ANO3: variants seen among roughly 807,000 people sequenced by gnomAD.
ANO3 encodes the protein anoctamin-3.
In ANO3, 99 loss-of-function variants were observed where a neutral mutation model predicts 144.8. The observed-to-expected ratio is 0.68, with a 90% CI of 0.58 to 0.81. The LOEUF (loss-of-function observed/expected upper bound fraction) is 0.81, where lower values mean the gene tolerates loss of function less well. ANO3 is among the 30% of genes least tolerant of loss of function. The pLI is 0.00. For synonymous variants in ANO3, 414 were observed against 392.6 expected, an observed-to-expected ratio of 1.05 and a Z score of -0.64; for missense variants, 905 against 1,202.2, an observed-to-expected ratio of 0.75 and a Z score of 3.66.
intron 1 of ANO3, among the ~76,000 whole-genome samples, chr11:26,193,086 C>A (rs1851509163): frequency 6.6e-6 from 1 of 151,726 alleles, no homozygotes; most frequent in Non-Finnish European, 1.5e-5. Context: ...CGTTGCCCCC[C>A]ACCCCTCAAA....
intron 1 of ANO3, among the ~76,000 whole-genome samples, chr11:26,262,622 C>A (rs1012372203): frequency 6.6e-6 from 1 of 151,894 alleles, no homozygotes; most frequent in African/African-American, 2.4e-5. Flanking sequence ...TCCTAACACC[C>A]AATGTAATGG....
chr11:26,328,842 A>T (rs1160379413), upstream of ANO3, among the ~76,000 whole-genome samples: 1 of 152,214 alleles, frequency 6.6e-6, no homozygotes, highest in Non-Finnish European at 1.5e-5. Context: ...TCATTGATAA[A>T]GTATGAAAAT....
intron 1 of ANO3, among the ~76,000 whole-genome samples, chr11:26,213,417 G>T (rs1260674377): frequency 6.6e-6 from 1 of 152,060 alleles, no homozygotes; most frequent in African/African-American, 2.4e-5. Context: ...AAGCTGAAAA[G>T]CAACTTCAGC....
chr11:26,226,815 T>G (rs969881065), intron 1 of ANO3, among the ~76,000 whole-genome samples: 1 of 152,176 alleles, frequency 6.6e-6, no homozygotes, highest in East Asian at 1.9e-4. Flanking sequence ...GTTTAACCAT[T>G]TTTAAGTATA....
chr11:26,399,345 C>T (rs530197547), intron 1 of ANO3, among the ~76,000 whole-genome samples: 1 of 152,050 alleles, frequency 6.6e-6, no homozygotes, highest in East Asian at 1.9e-4. Context: ...CAGAATCTTT[C>T]TTAAAGAATG....
intron 1 of ANO3, among the ~76,000 whole-genome samples, chr11:26,406,531 G>C (rs1857281295): frequency 6.6e-6 from 1 of 151,800 alleles, no homozygotes; most frequent in Non-Finnish European, 1.5e-5. Flanking sequence ...GGCATAGTTA[G>C]AAAGTTTGCA....
chr11:26,547,936 T>C (rs1434591257), intron 12 of ANO3, among the ~76,000 whole-genome samples: 1 of 151,974 alleles, frequency 6.6e-6, no homozygotes, highest in Non-Finnish European at 1.5e-5. Context: ...ACAAAGTCCT[T>C]CCAAATACCT....
At chr11:26,616,564 G>T (rs552571600) in intron 17 of ANO3, among the ~76,000 whole-genome samples, 1 of 151,928 alleles carries the variant, frequency 6.6e-6, no homozygotes, top group South Asian at 2.1e-4. Context: ...GCCAAATATG[G>T]TTAATTAATT....
chr11:26,379,891 A>G (rs1300369051), intron 1 of ANO3, among the ~76,000 whole-genome samples: 2 of 152,198 alleles, frequency 1.3e-5, no homozygotes, highest in African/African-American at 4.8e-5. Context: ...GGAGAAAAGG[A>G]GTCAAGCAAA....
intron 1 of ANO3, among the ~76,000 whole-genome samples, chr11:26,313,816 G>A (rs1408415694): frequency 6.6e-6 from 1 of 150,872 alleles, no homozygotes; most frequent in East Asian, 1.9e-4. Context: ...GTAAATGTAT[G>A]CTTTTTGTGA....
At chr11:26,538,713 T>C (rs1257972892) in intron 10 of ANO3, among the ~76,000 whole-genome samples, 1 of 152,316 alleles carries the variant, frequency 6.6e-6, no homozygotes, top group Non-Finnish European at 1.5e-5. Flanking sequence ...AAATAAGTTA[T>C]AAGTATCATC....
At chr11:26,426,270 T>C (rs1857917345) in intron 1 of ANO3, among the ~76,000 whole-genome samples, 1 of 152,174 alleles carries the variant, frequency 6.6e-6, no homozygotes. Flanking sequence ...GAAGCTTTTG[T>C]TGTTGACTTT....
At chr11:26,647,970 A>T (rs1853403495) in intron 24 of ANO3, 114 bp downstream of exon 24, 1 of 970,742 alleles carries the variant, frequency 1.0e-6, no homozygotes, top group African/African-American at 1.6e-5. Context: ...TAAGCATTGC[A>T]TTTATAATGT....
intron 18 of ANO3, among the ~76,000 whole-genome samples, chr11:26,627,531 C>T (rs565289073): frequency 4.7e-4 from 72 of 152,128 alleles, no homozygotes; most frequent in African/African-American, 1.5e-3. Context: ...GGTAATGAAG[C>T]ACTAGCTCTG....
At chr11:26,634,163 C>T in intron 18 of ANO3, 41 bp from the exon 19 acceptor site, 1 of 1,256,504 alleles carries the variant, frequency 8.0e-7, no homozygotes, top group Non-Finnish European at 1.2e-6. Flanking sequence ...TTGATATTCA[C>T]CTCACCTCAC....
chr11:26,451,053 T>C (rs889636882), intron 3 of ANO3, among the ~76,000 whole-genome samples: 3 of 152,196 alleles, frequency 2.0e-5, no homozygotes, highest in African/African-American at 7.2e-5. Context: ...GCATAAGTTT[T>C]CAACATAAAG....
rs574433413 is a variant in ANO3, at chr11:26,557,329, C to T, written c.1387-2390C>T. On this transcript the variant is annotated intron_variant, in intron 13 of 26. Transcript: ENST00000256737. ...ACAAAAAATTAGCCGGGCGTGGTGGCGGGCGCCTGTAGTCCCAGCTACTCG... is the reference window on the plus strand; with the variant it reads ...ACAAAAAATTAGCCGGGCGTGGTGGTGGGCGCCTGTAGTCCCAGCTACTCG... Among the ~76,000 whole-genome samples, 54 of 151,684 alleles carry T rather than the reference C, an allele frequency of 3.6e-4. No homozygotes were observed. The South Asian group carries it at 9.8e-3, about 28-fold the overall frequency.
intron 1 of ANO3, among the ~76,000 whole-genome samples, chr11:26,412,139 C>T (rs1394798939): frequency 1.3e-5 from 2 of 151,794 alleles, no homozygotes; most frequent in Non-Finnish European, 2.9e-5. Flanking sequence ...ATGAATATTC[C>T]ATAGGATTTG....
At position 26,647,876 on chromosome 11, in the gene ANO3, AT is replaced by A; in HGVS notation, c.2576+24del. On this transcript the variant is annotated intron_variant, in intron 24 of 26. Transcript: ENST00000256737. ...TGAAAAGTAAGGTTTAAATTTAAAC[AT>A]TTTCCTGATATGTTTTACATTTGTA... 1 of 1,596,040 alleles carries A rather than the reference AT, an allele frequency of 6.3e-7. No homozygotes were observed. Among genetic ancestry groups the A allele is most frequent in the Non-Finnish European group, 8.6e-7 (1 of 1,168,202 alleles).
Sources: allele counts gnomAD v4.1 joint callset (sites outside exome capture counted in the v4.1 genomes callset), GRCh38; gene constraint gnomAD v4.1.1; transcripts MANE v1.5; gene names NCBI Gene and HGNC (gene_info 2026-07-23, HGNC 2026-07-21).